Variants in ZYG11A observed in about 807,000 individuals in gnomAD.
ZYG11A encodes the protein protein zyg-11 homolog A.
A neutral mutation model predicts 77.2 loss-of-function variants in ZYG11A; 62 were observed. The observed-to-expected ratio is 0.80, with a 90% CI of 0.65 to 0.99. The LOEUF (loss-of-function observed/expected upper bound fraction) is 0.99. ZYG11A is among the 50% of genes least tolerant of loss of function. ZYG11A has a pLI of 0.00. For missense variants in ZYG11A, 828 were observed against 896.8 expected, an observed-to-expected ratio of 0.92 and a Z score of 0.98; for synonymous variants, 315 against 324.6, an observed-to-expected ratio of 0.97 and a Z score of 0.32.
In ZYG11A at chr1:52,881,555, A is replaced by G. The variant is rs1455941422; in HGVS notation, c.1834A>G (p.Arg612Gly). 1 of 1,552,070 alleles carries G rather than the reference A, an allele frequency of 6.4e-7. No individual in the cohort carries two copies. Among genetic ancestry groups the G allele is most frequent in the African/African-American group, 1.4e-5 (1 of 73,048 alleles). The change falls in exon 11 of 14, where the codon AGG (arginine) becomes GGG (glycine). Residue 612 changes from arginine (R) to glycine (G), a missense_variant. By Grantham distance (125) the Arg-to-Gly change is moderately radical (BLOSUM62 -2). Coordinates refer to ENST00000371528, the MANE Select transcript of ZYG11A (RefSeq NM_001004339.3). The stretch of plus-strand genomic sequence containing the variant: ...GCATATCAACAGTTTACTCTGTAGC[A>G]GGGAAATGGAAGTCAGCTATTTTGC... ...LKHINSLLCS[R>G]EMEVSYFAAG... is the part of the protein sequence containing the mutation.
intron 3 of ZYG11A, among the ~76,000 whole-genome samples, chr1:52,858,246 A>C (rs1475422416): frequency 2.0e-5 from 3 of 149,802 alleles, no homozygotes; most frequent in Admixed American, 6.6e-5. Flanking sequence ...AAAATACAAA[A>C]ATTAGCCGGT....
chr1:52,887,505 G>A (rs971451750), intron 13 of ZYG11A, among the ~76,000 whole-genome samples: 1 of 152,082 alleles, frequency 6.6e-6, no homozygotes, highest in African/African-American at 2.4e-5. Flanking sequence ...CTGTGTAATG[G>A]TCTCTGGGAG....
At chr1:52,874,417 T>C (rs930657153) in intron 8 of ZYG11A, among the ~76,000 whole-genome samples, 1 of 151,912 alleles carries the variant, frequency 6.6e-6, no homozygotes, top group African/African-American at 2.4e-5. Flanking sequence ...GATAATTTTT[T>C]ACATTTTTTT....
intron 8 of ZYG11A, among the ~76,000 whole-genome samples, chr1:52,868,786 A>G (rs767677717): frequency 6.6e-6 from 1 of 152,188 alleles, no homozygotes; most frequent in Non-Finnish European, 1.5e-5. Flanking sequence ...ATTGTGTCTC[A>G]AAAAACAACA....
intron 10 of ZYG11A, among the ~76,000 whole-genome samples, chr1:52,878,317 T>C (rs1646298682): frequency 6.6e-6 from 1 of 152,176 alleles, no homozygotes. Flanking sequence ...CTGGAGGGTC[T>C]AAGATGGCCT....
intron 8 of ZYG11A, among the ~76,000 whole-genome samples, chr1:52,869,598 AT>A (rs1391308302): frequency 2.6e-5 from 4 of 151,808 alleles, no homozygotes; most frequent in Admixed American, 1.3e-4. Flanking sequence ...AGGCAGAAGG[AT>A]TTTTCTTAGT....
At chr1:52,845,917 A>G (rs1026086450) in intron 1 of ZYG11A, among the ~76,000 whole-genome samples, 1 of 151,960 alleles carries the variant, frequency 6.6e-6, no homozygotes, top group African/African-American at 2.4e-5. Context: ...TCAGCCTCCC[A>G]AAGTTCTGGG....
intron 1 of ZYG11A, among the ~76,000 whole-genome samples, chr1:52,844,987 G>A (rs948655594): frequency 5.9e-5 from 9 of 151,848 alleles, no homozygotes; most frequent in Non-Finnish European, 2.9e-5. Context: ...CTATTGTCCA[G>A]GCTGGTCTTT....
chr1:52,873,656 C>T (rs1646209285), intron 8 of ZYG11A, among the ~76,000 whole-genome samples: 1 of 152,150 alleles, frequency 6.6e-6, no homozygotes, highest in African/African-American at 2.4e-5. Context: ...TTGGATGAGA[C>T]AGCAGCAGAG....
At chr1:52,872,301 G>A (rs932449126) in intron 8 of ZYG11A, among the ~76,000 whole-genome samples, 21 of 151,868 alleles carry the variant, frequency 1.4e-4, no homozygotes, top group Non-Finnish European at 1.9e-4. Flanking sequence ...ATGAGGTTTC[G>A]CCATGTTGGC....
Position 52,866,614 on chromosome 1 carries a change from A to G in ZYG11A, c.1391+47A>G, listed in dbSNP as rs971796542. 4.2e-6 allele frequency: 5 copies of G among 1,177,578 alleles called. No homozygotes were observed. In the African/African-American group the frequency reaches 6.1e-5, roughly 14 times the overall value. The allele number at this position is 1,177,578 out of a possible 1,614,324, so 72.9% of individuals were successfully genotyped here. A position where few individuals can be genotyped will look rare whatever the true frequency, so the allele number is the denominator to read the frequency against. On this transcript the variant is annotated intron_variant, in intron 6 of 13. Coordinates refer to ENST00000371528, the MANE Select transcript of ZYG11A (RefSeq NM_001004339.3). ...TTGACTGGGGTGTTGGCCTTTGGTT[A>G]TTAAATGCAGAGGCCTGATTAAGGC...
intron 1 of ZYG11A, among the ~76,000 whole-genome samples, chr1:52,843,824 C>T (rs1420530976): frequency 6.6e-6 from 1 of 151,666 alleles, no homozygotes. Flanking sequence ...GTAGGTGGGA[C>T]TACAGGCGCG....
chr1:52,860,653 C>T (rs1406271322), intron 3 of ZYG11A, 78 bp from the exon 4 acceptor site: 1 of 1,483,500 alleles, frequency 6.7e-7, no homozygotes, highest in Non-Finnish European at 9.1e-7. Flanking sequence ...ACTGGATGCC[C>T]CAAAAACCCT....
intron 8 of ZYG11A, 68 bp from the exon 9 acceptor site, chr1:52,877,614 C>A: frequency 7.2e-7 from 1 of 1,385,572 alleles, no homozygotes. Context: ...CTTAACATTG[C>A]TTTCCTTATA....
In ZYG11A at chr1:52,893,075, T is replaced by G; in HGVS notation, c.*118T>G. 1.1e-6 allele frequency: 1 copy of G among 887,576 alleles called. No homozygotes were observed. The highest frequency in any genetic ancestry group is 1.7e-6 in the Non-Finnish European group (1 of 596,058). 55.0% of individuals were successfully genotyped at this position (887,576 alleles called of 1,614,324 possible). A position where few individuals can be genotyped will look rare whatever the true frequency, so the allele number is the denominator to read the frequency against. ...GTTGGCTGTCTCATTGGCCTTTGAT[T>G]GTTGATTTTATATATGTTACAAAAG... On this transcript the variant is annotated 3_prime_UTR_variant, in exon 14 of 14. Coordinates refer to ENST00000371528, the MANE Select transcript of ZYG11A (RefSeq NM_001004339.3).
chr1:52,867,924 G>A, intron 8 of ZYG11A, 147 bp downstream of exon 8: 3 of 443,896 alleles, frequency 6.8e-6, no homozygotes. Context: ...TTCTAATTTT[G>A]TAGCTATTTC....
At chr1:52,875,758 T>A (rs113462147) in intron 8 of ZYG11A, among the ~76,000 whole-genome samples, 2,344 of 151,068 alleles carry the variant, frequency 0.016, 32 homozygotes, top group African/African-American at 0.054. Context: ...TAAAGATGTT[T>A]GCTTTAGTTT....
chr1:52,846,867 CTTTT>C (rs35227167), intron 1 of ZYG11A, among the ~76,000 whole-genome samples: 29 of 139,330 alleles, frequency 2.1e-4, no homozygotes, highest in Non-Finnish European at 2.4e-4. Context: ...TTCACATTTA[CTTTT>C]TTTTTTTTTT....
At chr1:52,858,805 A>T (rs1645867838) in intron 3 of ZYG11A, among the ~76,000 whole-genome samples, 1 of 145,980 alleles carries the variant, frequency 6.9e-6, no homozygotes, top group Non-Finnish European at 1.5e-5. Flanking sequence ...GTAGAGGCAG[A>T]GTTTCACTAT....
Sources: gnomAD v4.1 joint callset for allele counts (sites outside exome capture counted in the v4.1 genomes callset) on GRCh38, gnomAD v4.1.1 for gene constraint, MANE v1.5 for transcripts, NCBI Gene and HGNC (gene_info 2026-07-23, HGNC 2026-07-21) for gene names.